ZDHHC14: variants seen among roughly 807,000 people sequenced by gnomAD.
The protein encoded by ZDHHC14 is palmitoyltransferase ZDHHC14.
ZDHHC14 carries 16 observed loss-of-function variants against 47.7 expected under a neutral mutation model. That is an observed-to-expected ratio of 0.34 (90% confidence interval 0.23 to 0.51). The LOEUF is 0.51. Among genes scored for constraint, ZDHHC14 ranks in the 20% least tolerant of loss-of-function variants. The pLI is 0.97. For missense variants in ZDHHC14, 515 were observed against 662.5 expected (o/e 0.78, Z 2.44); for synonymous variants, 293 against 278.9 (o/e 1.05, Z -0.50).
intron 2 of ZDHHC14, among the ~76,000 whole-genome samples, chr6:157,546,480 T>A (rs1781977076): frequency 6.6e-6 from 1 of 151,530 alleles, no homozygotes. Context: ...CTGAGAGGAG[T>A]AGGTGGGGAG....
chr6:157,516,742 G>T (rs976960801), intron 1 of ZDHHC14, among the ~76,000 whole-genome samples: 4 of 152,188 alleles, frequency 2.6e-5, no homozygotes, highest in Admixed American at 2.6e-4. Context: ...GACTTGAAGG[G>T]CTAGGAAATG....
chr6:157,419,216 C>T (rs889521044), intron 1 of ZDHHC14, among the ~76,000 whole-genome samples: 4 of 152,122 alleles, frequency 2.6e-5, no homozygotes, highest in Admixed American at 1.3e-4. Context: ...TTGTTACAAT[C>T]GATCAACCTA....
At chr6:157,585,997 C>A (rs1179250501) in intron 2 of ZDHHC14, among the ~76,000 whole-genome samples, 1 of 152,180 alleles carries the variant, frequency 6.6e-6, no homozygotes, top group Non-Finnish European at 1.5e-5. Flanking sequence ...TCTTGGGCAT[C>A]TCCTATGTGC....
At chr6:157,529,594 C>T (rs545390069) in intron 1 of ZDHHC14, among the ~76,000 whole-genome samples, 4 of 152,186 alleles carry the variant, frequency 2.6e-5, no homozygotes, top group South Asian at 2.1e-4. Context: ...CATCAATGAG[C>T]GACTTTGTCA....
At chr6:157,606,853 G>A (rs746382271) in intron 3 of ZDHHC14, among the ~76,000 whole-genome samples, 2 of 152,182 alleles carry the variant, frequency 1.3e-5, no homozygotes, top group Non-Finnish European at 2.9e-5. Context: ...TTCCACTAAC[G>A]TCTAAATGAA....
chr6:157,444,844 C>G (rs1461871669), intron 1 of ZDHHC14, among the ~76,000 whole-genome samples: 2 of 151,996 alleles, frequency 1.3e-5, no homozygotes, highest in African/African-American at 4.8e-5. Context: ...GTCAGCTGCT[C>G]AAGGATGAGA....
chr6:157,443,059 C>A (rs986082566), intron 1 of ZDHHC14, among the ~76,000 whole-genome samples: 1 of 152,090 alleles, frequency 6.6e-6, no homozygotes, highest in African/African-American at 2.4e-5. Context: ...AATTGTAAAC[C>A]CCATATGTTG....
intron 5 of ZDHHC14, among the ~76,000 whole-genome samples, chr6:157,635,397 G>C (rs1181397053): frequency 6.6e-6 from 1 of 152,206 alleles, no homozygotes; most frequent in Admixed American, 6.5e-5. Context: ...AGGCAGTCCT[G>C]GACTGGGGTC....
At chr6:157,454,645 A>G (rs1028671078) in intron 1 of ZDHHC14, among the ~76,000 whole-genome samples, 2 of 152,108 alleles carry the variant, frequency 1.3e-5, no homozygotes, top group Non-Finnish European at 2.9e-5. Context: ...CTGGGATTAC[A>G]AGCGTGAGCC....
At chr6:157,469,226 C>T (rs1011455078) in intron 1 of ZDHHC14, among the ~76,000 whole-genome samples, 6 of 152,200 alleles carry the variant, frequency 3.9e-5, no homozygotes, top group African/African-American at 9.7e-5. Context: ...TATCCCCAAA[C>T]ACAGCTCACC....
At chr6:157,669,584 C>G (rs954251412) in intron 8 of ZDHHC14, among the ~76,000 whole-genome samples, 1 of 152,214 alleles carries the variant, frequency 6.6e-6, no homozygotes, top group African/African-American at 2.4e-5. Flanking sequence ...TTGGGCTGAA[C>G]CCTAAAACAG....
In ZDHHC14 at chr6:157,674,059, T is replaced by C. The variant is rs1218788945; in HGVS notation, c.*937T>C. On this transcript the variant is annotated 3_prime_UTR_variant, in exon 9 of 9. Transcript: ENST00000359775. ...GGTCCCCAGACAACCAAAAGTCAAATCTTTGAACTGGGAGATATTTATAGA... is the reference window on the plus strand; with the variant it reads ...GGTCCCCAGACAACCAAAAGTCAAACCTTTGAACTGGGAGATATTTATAGA... 1 of 152,588 alleles carries C rather than the reference T, an allele frequency of 6.6e-6. No homozygotes were observed. Among genetic ancestry groups the C allele is most frequent in the Non-Finnish European group, 1.5e-5 (1 of 68,030 alleles). The allele number at this position is 152,588 out of a possible 1,614,324, so 9.5% of individuals were successfully genotyped here. A position where few individuals can be genotyped will look rare whatever the true frequency, so the allele number is the denominator to read the frequency against.
rs574273399 is a variant in ZDHHC14 at position 157,461,079 on chromosome 6, G to C, written c.245+78813G>C. Among the ~76,000 whole-genome samples the C allele has an allele frequency of 3.3e-5, 5 of 152,336 alleles. No individual in the cohort carries two copies. The South Asian group carries it at 1.0e-3, about 32-fold the overall frequency. ...GGTTAAAATGCACATGCAATTCATA[G>C]CGGGGCCTCTGATGTCATTGCTGTG... On this transcript the variant is annotated intron_variant, in intron 1 of 8. Transcript: ENST00000359775.
intron 7 of ZDHHC14, among the ~76,000 whole-genome samples, chr6:157,647,816 G>A (rs532110775): frequency 6.6e-6 from 1 of 152,322 alleles, no homozygotes; most frequent in Non-Finnish European, 1.5e-5. Flanking sequence ...GGCCGCAGTC[G>A]TTGATACTGT....
chr6:157,540,908 G>GTATATATATATA (rs1200618040), intron 1 of ZDHHC14, among the ~76,000 whole-genome samples: 1 of 131,524 alleles, frequency 7.6e-6, no homozygotes, highest in African/African-American at 3.8e-5. Flanking sequence ...GTGTGTGTGT[G>GTATATATATATA]TGTATATATA....
intron 2 of ZDHHC14, among the ~76,000 whole-genome samples, chr6:157,554,042 A>G (rs993570800): frequency 6.6e-6 from 1 of 152,258 alleles, no homozygotes; most frequent in African/African-American, 2.4e-5. Flanking sequence ...GATAGACAGA[A>G]GCGAACACCA....
At chr6:157,610,497 T>C (rs1784712454) in intron 3 of ZDHHC14, among the ~76,000 whole-genome samples, 1 of 152,178 alleles carries the variant, frequency 6.6e-6, no homozygotes, top group Admixed American at 6.5e-5. Flanking sequence ...TGCCATGAAG[T>C]TCTGCAGAGC....
At chr6:157,531,038 G>A (rs766305081) in intron 1 of ZDHHC14, among the ~76,000 whole-genome samples, 5 of 151,882 alleles carry the variant, frequency 3.3e-5, no homozygotes, top group Non-Finnish European at 5.9e-5. Context: ...TCAGAGGAGC[G>A]CTGTCAGCAG....
At chr6:157,422,510 A>C (rs1778131818) in intron 1 of ZDHHC14, among the ~76,000 whole-genome samples, 2 of 152,322 alleles carry the variant, frequency 1.3e-5, no homozygotes, top group African/African-American at 4.8e-5. Flanking sequence ...CCCGGGAAGC[A>C]ATCAGCTCTG....
Sources: gnomAD v4.1 joint callset for allele counts (sites outside exome capture counted in the v4.1 genomes callset) on GRCh38, gnomAD v4.1.1 for gene constraint, MANE v1.5 for transcripts, NCBI Gene and HGNC (gene_info 2026-07-23, HGNC 2026-07-21) for gene names.